The following PARP11 variants were observed in gnomAD, a reference collection of about 807,000 sequenced individuals.
PARP11 encodes poly(ADP-ribose) polymerase family member 11, also known as protein mono-ADP-ribosyltransferase PARP11.
A neutral mutation model predicts 42.9 loss-of-function variants in PARP11; 31 were observed. That is an observed-to-expected ratio of 0.72 (90% CI 0.54 to 0.98). PARP11 has a LOEUF of 0.98. PARP11 is among the 50% of genes least tolerant of loss of function. The pLI, the probability that PARP11 is intolerant of heterozygous loss-of-function variation, is 0.00. For synonymous variants in PARP11, 137 were observed against 127.3 expected (o/e 1.08, Z -0.51); for missense variants, 365 against 413.1 (o/e 0.88, Z 1.01).
intron 1 of PARP11, among the ~76,000 whole-genome samples, chr12:3,856,511 C>T (rs1948192662): frequency 6.6e-6 from 1 of 152,172 alleles, no homozygotes; most frequent in East Asian, 1.9e-4. Context: ...CCAATAGACA[C>T]ATGAAAAAAT....
At chr12:3,831,481 G>A (rs1344291480) in intron 1 of PARP11, among the ~76,000 whole-genome samples, 1 of 151,994 alleles carries the variant, frequency 6.6e-6, no homozygotes, top group Non-Finnish European at 1.5e-5. Flanking sequence ...GCCTTGTCTA[G>A]GCCACAGTTG....
Position 3,809,429 on chromosome 12 carries a change from T to C in PARP11, c.*2694A>G, listed in dbSNP as rs774029649. ...CCAAAAAACCGGTATAGTACCTTCT[T>C]ACAATGGCTACTGCAGTGCATTCTA... is the stretch of plus-strand genomic sequence containing the variant. On this transcript the variant is annotated 3_prime_UTR_variant, in exon 8 of 8. Coordinates refer to ENST00000228820, the MANE Select transcript of PARP11 (RefSeq NM_020367.6). 1 of 152,188 alleles carries C rather than the reference T, an allele frequency of 6.6e-6. No individual in the cohort carries two copies. The highest frequency in any genetic ancestry group is 1.5e-5 in the Non-Finnish European group (1 of 68,022). The allele number at this position is 152,188 out of a possible 1,614,324, so 9.4% of individuals were successfully genotyped here.
chr12:3,853,036 C>T (rs1248537149), intron 1 of PARP11, among the ~76,000 whole-genome samples: 1 of 152,138 alleles, frequency 6.6e-6, no homozygotes, highest in Non-Finnish European at 1.5e-5. Context: ...CCAAACTAAG[C>T]TTCATAAGTG....
chr12:3,839,539 G>C (rs533234234), intron 1 of PARP11: 3 of 1,570,870 alleles, frequency 1.9e-6, no homozygotes, highest in East Asian at 4.5e-5. Context: ...AGAGAAATTT[G>C]AAGCGATTAT....
chr12:3,831,369 T>G (rs1237464467), intron 1 of PARP11, among the ~76,000 whole-genome samples: 1 of 152,174 alleles, frequency 6.6e-6, no homozygotes, highest in Non-Finnish European at 1.5e-5. Context: ...ACAAAGAATA[T>G]GTACTACTGG....
intron 1 of PARP11, among the ~76,000 whole-genome samples, chr12:3,830,348 T>C (rs1005572675): frequency 2.0e-5 from 3 of 152,240 alleles, no homozygotes; most frequent in African/African-American, 7.2e-5. Context: ...CTTATGCTCA[T>C]GTATTTGGTC....
At chr12:3,832,695 G>A (rs1263579295) in intron 1 of PARP11, among the ~76,000 whole-genome samples, 1 of 152,176 alleles carries the variant, frequency 6.6e-6, no homozygotes, top group East Asian at 1.9e-4. Context: ...CGCAACCATA[G>A]TAAGAATGGC....
At chr12:3,844,895 G>A (rs1322576547) in intron 1 of PARP11, among the ~76,000 whole-genome samples, 2 of 152,160 alleles carry the variant, frequency 1.3e-5, no homozygotes, top group Non-Finnish European at 2.9e-5. Flanking sequence ...TTTGCCTTAT[G>A]CTGAGGTCAA....
chr12:3,846,756 T>TAAA (rs760915174), intron 1 of PARP11, among the ~76,000 whole-genome samples: 6 of 101,022 alleles, frequency 5.9e-5, no homozygotes, highest in Non-Finnish European at 8.0e-5. Flanking sequence ...GACTCCGTCT[T>TAAA]AAAAAAAAAA....
intron 1 of PARP11, among the ~76,000 whole-genome samples, chr12:3,855,531 A>T (rs1257302097): frequency 6.6e-6 from 1 of 152,280 alleles, no homozygotes; most frequent in Admixed American, 6.5e-5. Context: ...CACAATTGCT[A>T]CAAAGAGAAT....
At chr12:3,859,380 C>T (rs577244202) in intron 1 of PARP11, among the ~76,000 whole-genome samples, 55 of 151,758 alleles carry the variant, frequency 3.6e-4, no homozygotes, top group African/African-American at 1.3e-3. Flanking sequence ...TTGACCAACA[C>T]GGTGAAACCC....
intron 1 of PARP11, among the ~76,000 whole-genome samples, chr12:3,866,437 A>G (rs1948391677): frequency 6.6e-6 from 1 of 152,186 alleles, no homozygotes; most frequent in Non-Finnish European, 1.5e-5. Flanking sequence ...GATATTTCAC[A>G]GGCATTTTCA....
chr12:3,818,764 A>G (rs1947339780), intron 6 of PARP11, among the ~76,000 whole-genome samples: 1 of 152,222 alleles, frequency 6.6e-6, no homozygotes, highest in Non-Finnish European at 1.5e-5. Flanking sequence ...ACATCTTTTC[A>G]GTATGTAATC....
intron 4 of PARP11, among the ~76,000 whole-genome samples, chr12:3,825,488 A>C (rs1357141071): frequency 1.3e-5 from 2 of 152,214 alleles, no homozygotes; most frequent in African/African-American, 2.4e-5. Context: ...TTACGGCCCC[A>C]GTAATTGTAT....
At chr12:3,825,020 G>A (rs1947488576) in intron 4 of PARP11, among the ~76,000 whole-genome samples, 2 of 150,570 alleles carry the variant, frequency 1.3e-5, no homozygotes, top group Non-Finnish European at 3.0e-5. Flanking sequence ...GAAACAAACT[G>A]ACAGAAACTT....
Position 3,814,022 on chromosome 12 carries a change from A to G in PARP11, c.700+15T>C. ...CTCCTGGGGCTCAAATTGGACCTGG[A>G]ATTCTGATAATTACCTTTTCCAAAG... On this transcript the variant is annotated intron_variant, in intron 7 of 7. Transcript: ENST00000228820. The G allele has an allele frequency of 6.5e-7, 1 of 1,534,250 alleles. No homozygotes were observed. Among genetic ancestry groups the G allele is most frequent in the Non-Finnish European group, 8.8e-7 (1 of 1,130,806 alleles).
At chr12:3,818,563 A>T (rs75412517) in intron 6 of PARP11, among the ~76,000 whole-genome samples, 69 of 152,324 alleles carry the variant, frequency 4.5e-4, no homozygotes, top group African/African-American at 1.6e-3. Context: ...TTTTAAAAAC[A>T]TAACATAACA....
At chr12:3,843,706 T>C (rs568062305) in intron 1 of PARP11, among the ~76,000 whole-genome samples, 2 of 152,360 alleles carry the variant, frequency 1.3e-5, no homozygotes, top group African/African-American at 4.8e-5. Context: ...TCCCTTTGCA[T>C]GTTGTACTCT....
At chr12:3,839,232 G>A (rs1019795774) in intron 1 of PARP11, among the ~76,000 whole-genome samples, 3 of 150,480 alleles carry the variant, frequency 2.0e-5, no homozygotes, top group Non-Finnish European at 4.4e-5. Flanking sequence ...CCAGGCCGGG[G>A]CGTCGAGCAG....
Sources: gnomAD v4.1 joint callset for allele counts (sites outside exome capture counted in the v4.1 genomes callset) on GRCh38, gnomAD v4.1.1 for gene constraint, MANE v1.5 for transcripts, NCBI Gene and HGNC (gene_info 2026-07-23, HGNC 2026-07-21) for gene names.